Variants in FAM81B observed in about 807,000 individuals in gnomAD.
The protein encoded by FAM81B is protein FAM81B.
Under a neutral mutation model 58.7 loss-of-function variants are expected in FAM81B, and 60 were observed. That is an observed-to-expected ratio of 1.02 (90% CI 0.83 to 1.27). The LOEUF (loss-of-function observed/expected upper bound fraction) is 1.27. FAM81B is among the 50% of genes most tolerant of loss of function. FAM81B has a pLI of 0.00. For missense variants in FAM81B, 491 were observed against 522.0 expected (o/e 0.94, Z 0.58); for synonymous variants, 189 against 179.6 (o/e 1.05, Z -0.42).
At position 95,421,604 on chromosome 5, in the gene FAM81B, C is replaced by T. The variant is rs933414672; in HGVS notation, c.656+1202C>T. ...CTTTATGTAGAAGGTTATAAATGAC[C>T]ATGGGGGGATTTTAAGTAAGGGGGT... On this transcript the variant is annotated intron_variant, in intron 5 of 9. Transcript: ENST00000283357. Among the ~76,000 whole-genome samples the T allele has an allele frequency of 5.9e-5, 9 of 151,282 alleles. No individual in the cohort carries two copies. The East Asian group carries it at 1.4e-3, about 23-fold the overall frequency.
intron 8 of FAM81B, among the ~76,000 whole-genome samples, chr5:95,447,952 G>C (rs1745646423): frequency 6.6e-6 from 1 of 152,100 alleles, no homozygotes; most frequent in Admixed American, 6.5e-5. Context: ...AATTGAGGGA[G>C]TATGTCCAAG....
chr5:95,395,215 G>A (rs1306101280), intron 2 of FAM81B, among the ~76,000 whole-genome samples: 2 of 151,928 alleles, frequency 1.3e-5, no homozygotes, highest in Non-Finnish European at 2.9e-5. Flanking sequence ...TGAGGCAGGC[G>A]GATCACAAGG....
intron 6 of FAM81B, among the ~76,000 whole-genome samples, chr5:95,433,653 T>G (rs183310125): frequency 6.6e-6 from 1 of 152,330 alleles, no homozygotes; most frequent in Non-Finnish European, 1.5e-5. Flanking sequence ...GGTGGCTGGA[T>G]AGTCCATTTT....
chr5:95,429,361 T>C (rs1187350898), intron 6 of FAM81B, among the ~76,000 whole-genome samples: 3 of 152,190 alleles, frequency 2.0e-5, no homozygotes, highest in Non-Finnish European at 4.4e-5. Context: ...TTCACTAAAG[T>C]GGAGCCCAAT....
chr5:95,428,453 A>G, intron 5 of FAM81B, 150 bp from the exon 6 acceptor site: 1 of 934,830 alleles, frequency 1.1e-6, no homozygotes, highest in Non-Finnish European at 1.5e-6. Flanking sequence ...AAAATGAAGA[A>G]AGAGATTCCT....
intron 4 of FAM81B, among the ~76,000 whole-genome samples, chr5:95,418,477 A>G (rs1762593697): frequency 6.6e-6 from 1 of 152,234 alleles, no homozygotes; most frequent in African/African-American, 2.4e-5. Flanking sequence ...CAAAGGAAAA[A>G]TAAATTCATG....
intron 3 of FAM81B, chr5:95,396,850 C>T (rs532400017): frequency 6.6e-6 from 1 of 152,318 alleles, no homozygotes; most frequent in East Asian, 1.9e-4. Context: ...AGTGTCAGTC[C>T]TTCTACTACT....
At chr5:95,424,500 C>T (rs1762773414) in intron 5 of FAM81B, among the ~76,000 whole-genome samples, 1 of 151,224 alleles carries the variant, frequency 6.6e-6, no homozygotes, top group Non-Finnish European at 1.5e-5. Flanking sequence ...TAATTTGGCC[C>T]TTCCAAAAGC....
At position 95,414,056 on chromosome 5, in the gene FAM81B, A is replaced by C; in HGVS notation, c.403A>C (p.Ile135Leu). The stretch of plus-strand genomic sequence containing the variant: ...TTTCCTTCTTGAACAAGCCTTCCGC[A>C]TCAAGGAGGACATCTCTGCTTGCCT... ...IAFLLEQAFR[I>L]KEDISACLQG... Residue 135 changes from isoleucine (I) to leucine (L), a missense_variant, in exon 4 of 10, where the codon ATC becomes CTC. Ile to Leu is a conservative substitution (Grantham distance 5, BLOSUM62 2). Transcript: ENST00000283357. The C allele has an allele frequency of 1.2e-6, 2 of 1,614,100 alleles. No homozygotes were observed. Among genetic ancestry groups the C allele is most frequent in the Non-Finnish European group, 8.5e-7 (1 of 1,180,006 alleles).
intron 9 of FAM81B, 163 bp downstream of exon 9, chr5:95,448,627 C>T (rs1314160760): frequency 1.0e-5 from 7 of 686,648 alleles, no homozygotes; most frequent in African/African-American, 1.8e-5. Flanking sequence ...GAGTATTATA[C>T]TGGAAGGCAT....
chr5:95,426,092 GTGTA>G (rs1274666104), intron 5 of FAM81B, among the ~76,000 whole-genome samples: 7 of 84,902 alleles, frequency 8.2e-5, no homozygotes, highest in Admixed American at 7.1e-4. Flanking sequence ...CTATCTCTGT[GTGTA>G]TATATATATA....
chr5:95,406,324 T>A (rs1762245552), intron 3 of FAM81B: 3 of 154,510 alleles, frequency 1.9e-5, no homozygotes, highest in African/African-American at 7.2e-5. Context: ...TTGAGCCAAC[T>A]AACTTCAATT....
In FAM81B at chr5:95,414,190, G is replaced by A. The variant is rs1248958115; in HGVS notation, c.537G>A (p.Glu179=). Reference sequence around the variant, plus strand: ...TCAAAAAACTCAGCCAAAATATTGAGGTAGTTCTCTTTTTGTTTTATTTTG... The same window carrying A: ...TCAAAAAACTCAGCCAAAATATTGAAGTAGTTCTCTTTTTGTTTTATTTTG... The part of the protein sequence containing the change: ...SIVKKLSQNI[E]ILEDQIRARD... Residue 179 remains glutamate (E), a splice_region_variant and synonymous_variant, in exon 4 of 10, where the codon GAG becomes GAA. Transcript: ENST00000283357. 6.3e-6 allele frequency: 10 copies of A among 1,595,086 alleles called. No homozygotes were observed. Among genetic ancestry groups the A allele is most frequent in the Non-Finnish European group, 8.5e-6 (10 of 1,172,356 alleles).
chr5:95,426,125 T>TATATATATAC (rs781083080), intron 5 of FAM81B, among the ~76,000 whole-genome samples: 5 of 94,302 alleles, frequency 5.3e-5, no homozygotes, highest in African/African-American at 8.6e-5. Flanking sequence ...TATATATATG[T>TATATATATAC]ACACATATAT....
chr5:95,441,443 C>T (rs1745343005), intron 7 of FAM81B, among the ~76,000 whole-genome samples: 1 of 151,976 alleles, frequency 6.6e-6, no homozygotes, highest in Non-Finnish European at 1.5e-5. Flanking sequence ...GTGGCGGGCG[C>T]CTGTAGTCCC....
At chr5:95,423,929 G>A in intron 5 of FAM81B, 1 of 1,018,710 alleles carries the variant, frequency 9.8e-7, no homozygotes, top group Non-Finnish European at 1.3e-6. Context: ...TTACTTAGAG[G>A]CTCGGGTGGG....
At chr5:95,398,574 G>C (rs1007914417) in intron 3 of FAM81B, among the ~76,000 whole-genome samples, 2 of 152,146 alleles carry the variant, frequency 1.3e-5, no homozygotes, top group Non-Finnish European at 2.9e-5. Flanking sequence ...TATATTACAG[G>C]TTTTCAGAGG....
At chr5:95,432,346 C>G (rs28491117) in intron 6 of FAM81B, among the ~76,000 whole-genome samples, 40,451 of 151,914 alleles carry the variant, frequency 0.27, 7,966 homozygotes, top group African/African-American at 0.56. Flanking sequence ...CCTATTTTCT[C>G]TGCCATCGTT....
chr5:95,407,468 T>C (rs1404353366), intron 3 of FAM81B, among the ~76,000 whole-genome samples: 1 of 152,054 alleles, frequency 6.6e-6, no homozygotes, highest in East Asian at 1.9e-4. Context: ...GCTCAGGCAA[T>C]CTCATTTTCT....
Sources: gnomAD v4.1 joint callset for allele counts (sites outside exome capture counted in the v4.1 genomes callset) on GRCh38, gnomAD v4.1.1 for gene constraint, MANE v1.5 for transcripts, NCBI Gene and HGNC (gene_info 2026-07-23, HGNC 2026-07-21) for gene names.